STAC2: variants seen among roughly 807,000 people sequenced by gnomAD.
The protein encoded by STAC2 is SH3 and cysteine-rich domain-containing protein 2.
A neutral mutation model predicts 49.0 loss-of-function variants in STAC2; 36 were observed. The ratio of observed to expected loss-of-function variants is 0.74; its 90% confidence interval spans 0.56 to 0.97. The LOEUF (loss-of-function observed/expected upper bound fraction) is 0.97. Among genes scored for constraint, STAC2 ranks in the 50% least tolerant of loss-of-function variants. STAC2 has a pLI of 0.00. For synonymous variants in STAC2, 239 were observed against 214.7 expected, an observed-to-expected ratio of 1.11 and a Z score of -0.99; for missense variants, 527 against 543.8, an observed-to-expected ratio of 0.97 and a Z score of 0.31.
In STAC2 at chr17:39,215,102, T is replaced by C. The variant is rs745965119; in HGVS notation, c.699+16A>G. ...ACACCCCTCCCCAAAAGACCCCCCCTTTTTGCCCACCATACCAGGCTCCTT... is the reference window on the plus strand; with the variant it reads ...ACACCCCTCCCCAAAAGACCCCCCCCTTTTGCCCACCATACCAGGCTCCTT... On this transcript the variant is annotated intron_variant, in intron 5 of 10. Transcript: ENST00000333461. 1.4e-5 allele frequency: 22 copies of C among 1,613,320 alleles called. No homozygotes were observed. The South Asian group carries it at 2.2e-4, about 16-fold the overall frequency.
At chr17:39,220,482 CTTT>C (rs11407976) in intron 1 of STAC2, among the ~76,000 whole-genome samples, 1 of 147,738 alleles carries the variant, frequency 6.8e-6, no homozygotes, top group African/African-American at 2.5e-5. Context: ...CCTAGATACT[CTTT>C]TTTTTTTTTG....
intron 2 of STAC2, 146 bp from the exon 3 acceptor site, chr17:39,217,319 A>G: frequency 1.4e-6 from 1 of 724,272 alleles, no homozygotes; most frequent in Non-Finnish European, 2.3e-6. Flanking sequence ...CAGTCAGGGT[A>G]TGAGGGAGCA....
chr17:39,220,536 A>T (rs899628696), intron 1 of STAC2, among the ~76,000 whole-genome samples: 1 of 148,918 alleles, frequency 6.7e-6, no homozygotes, highest in Non-Finnish European at 1.5e-5. Context: ...GTGCAGTGGC[A>T]CGATCTCAGC....
Position 39,217,850 on chromosome 17 carries a change from A to G in STAC2, c.397+17T>C. 6.3e-7 allele frequency: 1 copy of G among 1,590,704 alleles called. No homozygotes were observed. On this transcript the variant is annotated intron_variant, in intron 2 of 10. Coordinates refer to ENST00000333461, the MANE Select transcript of STAC2 (RefSeq NM_198993.5). ...GCTGGCCCCTCCCCGTGGCCGCCTC[A>G]GTGCCCAGGCACCTACCTACGATGA...
intron 1 of STAC2, among the ~76,000 whole-genome samples, chr17:39,219,430 C>T (rs2144250129): frequency 6.6e-6 from 1 of 152,262 alleles, no homozygotes; most frequent in South Asian, 2.1e-4. Flanking sequence ...GTCTCATGAC[C>T]CACTCCCTCC....
intron 9 of STAC2, 43 bp from the exon 10 acceptor site, chr17:39,213,175 C>A: frequency 6.3e-7 from 1 of 1,597,256 alleles, no homozygotes; most frequent in Non-Finnish European, 8.5e-7. Flanking sequence ...CACACCCCAC[C>A]CCTGCTGCCC....
chr17:39,218,552 T>C (rs7221848), intron 1 of STAC2, among the ~76,000 whole-genome samples: 15,634 of 152,160 alleles, frequency 0.1, 1,153 homozygotes, highest in African/African-American at 0.2. Flanking sequence ...TTATGTGAAA[T>C]CGGATAGAAA....
In STAC2 at chr17:39,212,117, C is replaced by T; in HGVS notation, c.*175G>A. The stretch of plus-strand genomic sequence containing the variant: ...GATCAACCCACTCAGGGCACCCCAC[C>T]CAAGAAATAAAATCTTCCCCAGTAC... On this transcript the variant is annotated 3_prime_UTR_variant, in exon 11 of 11. Transcript: ENST00000333461. The T allele has an allele frequency of 2.1e-6, 1 of 465,300 alleles. No individual in the cohort carries two copies. 28.8% of individuals were successfully genotyped at this position (465,300 alleles called of 1,614,324 possible).
chr17:39,221,667 G>A (rs1042919136), intron 1 of STAC2, among the ~76,000 whole-genome samples: 3 of 152,222 alleles, frequency 2.0e-5, no homozygotes, highest in Non-Finnish European at 4.4e-5. Context: ...CAGCGGCTTC[G>A]GCTGCTGAGC....
Position 39,217,057 on chromosome 17 carries a change from T to C in STAC2, c.495+19A>G, listed in dbSNP as rs1446445079. 7 of 1,613,366 alleles carry C rather than the reference T, an allele frequency of 4.3e-6. No individual in the cohort carries two copies. In the South Asian group the frequency reaches 5.5e-5, roughly 13 times the overall value. Reference sequence around the variant, plus strand: ...CTGGCAGCACTCAGCTGGCCATCTCTGCCTGGGTCCCCGCTCACCGTCTTG... The same window carrying C: ...CTGGCAGCACTCAGCTGGCCATCTCCGCCTGGGTCCCCGCTCACCGTCTTG... On this transcript the variant is annotated intron_variant, in intron 3 of 10. Coordinates refer to ENST00000333461, the MANE Select transcript of STAC2 (RefSeq NM_198993.5).
rs754569042 is a variant in STAC2, at chr17:39,215,149, C to G, written c.668G>C (p.Ser223Thr). The change falls in exon 5 of 11, where the codon AGC becomes ACC. Residue 223 changes from serine (S) to threonine (T), a missense_variant. By Grantham distance (58) the Ser-to-Thr change is moderately conservative. Transcript: ENST00000333461. Reference protein sequence around the residue: ...SLALMNRSSFSSTSESPTRSL... With the variant: ...SLALMNRSSFTSTSESPTRSL... ...CCTTGTCGGGGACTCAGAGGTGCTGCTGAAACTGGAGCGGTTCATCAGTGC... is the reference window on the plus strand; with the variant it reads ...CCTTGTCGGGGACTCAGAGGTGCTGGTGAAACTGGAGCGGTTCATCAGTGC... 1 of 1,614,098 alleles carries G rather than the reference C, an allele frequency of 6.2e-7. No homozygotes were observed. Among genetic ancestry groups the G allele is most frequent in the South Asian group, 1.1e-5 (1 of 91,082 alleles).
At chr17:39,215,935 G>A (rs1368611593) in intron 4 of STAC2, among the ~76,000 whole-genome samples, 8 of 151,998 alleles carry the variant, frequency 5.3e-5, no homozygotes, top group Non-Finnish European at 8.8e-5. Context: ...ACTGTGATCC[G>A]CCCGCCTCGG....
intron 1 of STAC2, among the ~76,000 whole-genome samples, chr17:39,221,683 G>A (rs1170533437): frequency 6.6e-6 from 1 of 152,210 alleles, no homozygotes; most frequent in Non-Finnish European, 1.5e-5. Context: ...TGAGCCCAAA[G>A]CACCAGGAGC....
intron 7 of STAC2, 171 bp from the exon 8 acceptor site, chr17:39,214,501 C>T (rs1035936464): frequency 1.0e-4 from 101 of 965,978 alleles, no homozygotes; most frequent in Non-Finnish European, 1.1e-4. Context: ...CACCCCAAAG[C>T]GCACTGGGAC....
At position 39,217,079 on chromosome 17, in the gene STAC2, C is replaced by A. The variant is rs761242178; in HGVS notation, c.492G>T (p.Lys164Asn). 3.0e-5 allele frequency: 49 copies of A among 1,613,752 alleles called. No individual in the cohort carries two copies. Among genetic ancestry groups the A allele is most frequent in the Admixed American group, 5.0e-5 (3 of 59,996 alleles). The change falls in exon 3 of 11, where the codon AAG becomes AAT. Residue 164 changes from lysine to asparagine, a missense_variant. By Grantham distance (94) the Lys-to-Asn change is moderately conservative. Transcript: ENST00000333461. ...EEISHQQCPG[K>N]TSTSFRRNFS... is the part of the protein sequence containing the mutation. ...CTCTGCCTGGGTCCCCGCTCACCGT[C>A]TTGCCTGGGCATTGCTGGTGGGAGA...
At chr17:39,218,240 A>C in intron 1 of STAC2, 67 bp from the exon 2 acceptor site, 1 of 1,562,540 alleles carries the variant, frequency 6.4e-7, no homozygotes, top group Non-Finnish European at 8.8e-7. Flanking sequence ...GCTTCCCTTC[A>C]GGGTGTCTCT....
At chr17:39,220,698 T>C (rs1391694237) in intron 1 of STAC2, among the ~76,000 whole-genome samples, 1 of 152,180 alleles carries the variant, frequency 6.6e-6, no homozygotes, top group African/African-American at 2.4e-5. Context: ...GGTCTTGATC[T>C]CCTGACCTCG....
Position 39,222,154 on chromosome 17 carries a change from C to T in STAC2, c.90+3259G>A, listed in dbSNP as rs144295120. On this transcript the variant is annotated intron_variant, in intron 1 of 10. Coordinates refer to ENST00000333461, the MANE Select transcript of STAC2 (RefSeq NM_198993.5). ...TCAAATATTTGAAGACACCATCAGT[C>T]ATGTTCCCCCCATCCCCAGGCCCTT... Among the ~76,000 whole-genome samples, 167 of 152,330 alleles carry T rather than the reference C, an allele frequency of 1.1e-3. 1 individual carries two copies. The highest frequency in any genetic ancestry group is 3.6e-3 in the African/African-American group (150 of 41,576).
In STAC2 at chr17:39,212,359, C is replaced by G. The variant is rs1451552155; in HGVS notation, c.1169G>C (p.Gly390Ala). ...CTTGCCACTGCTGACGCGGATGAAG[C>G]CGTCAGCATCCTTGCTTCTGCCCAC... ...VGVGRSKDAD[G>A]FIRVSSGKKR... Residue 390 changes from glycine to alanine, a missense_variant, in exon 11 of 11, where the codon GGC becomes GCC. Transcript: ENST00000333461. 2 of 1,611,974 alleles carry G rather than the reference C, an allele frequency of 1.2e-6. No homozygotes were observed. Among genetic ancestry groups the G allele is most frequent in the Non-Finnish European group, 1.7e-6 (2 of 1,178,980 alleles).
Sources: gnomAD v4.1 joint callset for allele counts (sites outside exome capture counted in the v4.1 genomes callset) on GRCh38, gnomAD v4.1.1 for gene constraint, MANE v1.5 for transcripts, NCBI Gene and HGNC (gene_info 2026-07-23, HGNC 2026-07-21) for gene names.